The following TAS2R1 variants were observed in gnomAD, a reference collection of about 807,000 sequenced individuals.
The protein encoded by TAS2R1 is taste receptor type 2 member 1.
For missense variants in TAS2R1, 370 were observed against 353.4 expected (o/e 1.05, Z -0.38); for synonymous variants, 141 against 134.2 (o/e 1.05, Z -0.35).
upstream of TAS2R1, among the ~76,000 whole-genome samples, chr5:9,714,437 C>T (rs1291224927): frequency 6.6e-6 from 1 of 152,180 alleles, no homozygotes. Context: ...AAGCACAGAA[C>T]GCAGGCTTTG....
At chr5:9,840,849 ATTTATTTATTTTTTTTTTTTTT>A in the TAS2R1 span, among the ~76,000 whole-genome samples, 20 of 12,924 alleles carry the variant, frequency 1.5e-3, no homozygotes, top group Admixed American at 7.0e-3. Flanking sequence ...TTATTTATTT[ATTTATTTATTTTTTTTTTTTTT>A]TTTTTTTTTT....
At chr5:9,855,964 GT>G in the TAS2R1 span, among the ~76,000 whole-genome samples, 145 of 148,714 alleles carry the variant, frequency 9.8e-4, no homozygotes, top group African/African-American at 3.2e-3. Context: ...GTGTTTTCTA[GT>G]TTTTTTTTTA....
the TAS2R1 span, among the ~76,000 whole-genome samples, chr5:9,719,768 A>G: frequency 6.8e-5 from 10 of 147,462 alleles, no homozygotes; most frequent in African/African-American, 2.0e-4. Context: ...TACAAAAAAA[A>G]TTAGCCGGGC....
the TAS2R1 span, among the ~76,000 whole-genome samples, chr5:9,750,920 T>G: frequency 6.6e-6 from 1 of 151,992 alleles, no homozygotes; most frequent in Admixed American, 6.6e-5. Flanking sequence ...ATTACACAAC[T>G]GTCTCAGGAG....
At chr5:9,732,358 T>C in the TAS2R1 span, among the ~76,000 whole-genome samples, 15 of 152,300 alleles carry the variant, frequency 9.8e-5, no homozygotes, top group African/African-American at 3.4e-4. Context: ...AGTTTGGATG[T>C]TATTCTGAGT....
chr5:9,879,279 A>T, the TAS2R1 span, among the ~76,000 whole-genome samples: 1 of 152,266 alleles, frequency 6.6e-6, no homozygotes, highest in Non-Finnish European at 1.5e-5. Context: ...TAGAAGCAAG[A>T]GGAAAAATTA....
At chr5:9,666,099 C>T (rs1325542349) in intron 1 of TAS2R1, among the ~76,000 whole-genome samples, 9 of 151,682 alleles carry the variant, frequency 5.9e-5, no homozygotes, top group African/African-American at 1.5e-4. Flanking sequence ...TTTAATATTG[C>T]CTATTTCCAG....
chr5:9,690,602 T>A (rs1219428284), intron 1 of TAS2R1, among the ~76,000 whole-genome samples: 1 of 152,110 alleles, frequency 6.6e-6, no homozygotes, highest in African/African-American at 2.4e-5. Context: ...TCAGCCTTAA[T>A]TTCTGTCAGA....
the TAS2R1 span, among the ~76,000 whole-genome samples, chr5:9,870,617 T>C: frequency 2.1e-3 from 322 of 152,248 alleles, 2 homozygotes; most frequent in African/African-American, 7.4e-3. Context: ...CAAAGACTTA[T>C]AGGCAAATAA....
chr5:9,894,461 C>A, the TAS2R1 span, among the ~76,000 whole-genome samples: 1 of 152,030 alleles, frequency 6.6e-6, no homozygotes, highest in Non-Finnish European at 1.5e-5. Flanking sequence ...GGGAGACACA[C>A]ACACACACAC....
At chr5:9,899,184 C>T in the TAS2R1 span, among the ~76,000 whole-genome samples, 3 of 152,086 alleles carry the variant, frequency 2.0e-5, no homozygotes, top group Non-Finnish European at 4.4e-5. Context: ...AGGATGGAGT[C>T]GGCACTCAGG....
At chr5:9,831,617 TTC>T in the TAS2R1 span, among the ~76,000 whole-genome samples, 2 of 135,488 alleles carry the variant, frequency 1.5e-5, no homozygotes, top group Non-Finnish European at 1.7e-5. Flanking sequence ...ACGAGCATGT[TTC>T]TGTTTTTTTT....
At chr5:9,882,214 A>G in the TAS2R1 span, among the ~76,000 whole-genome samples, 5 of 152,242 alleles carry the variant, frequency 3.3e-5, no homozygotes, top group African/African-American at 1.2e-4. Flanking sequence ...ACTTCTCAAA[A>G]GAAGACATTT....
the TAS2R1 span, among the ~76,000 whole-genome samples, chr5:9,829,690 T>C: frequency 3.3e-5 from 5 of 152,128 alleles, no homozygotes; most frequent in Non-Finnish European, 7.4e-5. Flanking sequence ...GCTTAAGCCA[T>C]GGGCCCAGGA....
the TAS2R1 span, among the ~76,000 whole-genome samples, chr5:9,749,534 T>C: frequency 6.6e-6 from 1 of 152,342 alleles, no homozygotes; most frequent in Non-Finnish European, 1.5e-5. Context: ...ACAGGACTTA[T>C]TGGAGACTAT....
At chr5:9,774,692 G>A in the TAS2R1 span, among the ~76,000 whole-genome samples, 1 of 152,376 alleles carries the variant, frequency 6.6e-6, no homozygotes, top group African/African-American at 2.4e-5. Context: ...CAGACTCATA[G>A]AGGTACTGCC....
intron 1 of TAS2R1, among the ~76,000 whole-genome samples, chr5:9,670,256 C>G (rs1740722786): frequency 6.6e-6 from 1 of 152,042 alleles, no homozygotes; most frequent in Non-Finnish European, 1.5e-5. Context: ...TCAAGTTTAG[C>G]CTAAAGATGC....
At chr5:9,649,299 T>C (rs746154517) in intron 2 of TAS2R1, among the ~76,000 whole-genome samples, 4 of 152,202 alleles carry the variant, frequency 2.6e-5, no homozygotes, top group Non-Finnish European at 4.4e-5. Flanking sequence ...CTGATCACAA[T>C]TGCATTTGAA....
chr5:9,710,955 AT>A (rs1361458677), intron 1 of TAS2R1, among the ~76,000 whole-genome samples: 6 of 138,830 alleles, frequency 4.3e-5, no homozygotes, highest in African/African-American at 8.0e-5. Flanking sequence ...ATAATATATA[AT>A]TATATTTATA....
Sources: allele counts gnomAD v4.1 joint callset (sites outside exome capture counted in the v4.1 genomes callset), GRCh38; gene constraint gnomAD v4.1.1; transcripts MANE v1.5; gene names NCBI Gene and HGNC (gene_info 2026-07-23, HGNC 2026-07-21).